The following GSK3B variants were observed in gnomAD, a reference collection of about 807,000 sequenced individuals.
GSK3B encodes the protein glycogen synthase kinase 3 beta.
A neutral mutation model predicts 56.4 loss-of-function variants in GSK3B; 15 were observed. The observed-to-expected ratio is 0.27, with a 90% CI of 0.18 to 0.41. The LOEUF (loss-of-function observed/expected upper bound fraction) is 0.41, where lower values mean the gene tolerates loss of function less well. Among genes scored for constraint, GSK3B ranks in the 10% least tolerant of loss-of-function variants. GSK3B has a pLI of 1.00. For missense variants in GSK3B, 300 were observed against 513.4 expected (o/e 0.58, Z 4.02); for synonymous variants, 181 against 188.9 (o/e 0.96, Z 0.34).
chr3:120,082,385 C>CTATTTTTTTT (rs2058427387), intron 1 of GSK3B, among the ~76,000 whole-genome samples: 1 of 66,400 alleles, frequency 1.5e-5, no homozygotes, highest in Non-Finnish European at 3.0e-5. Flanking sequence ...TTAGTATGTT[C>CTATTTTTTTT]TTTTTTTTTT....
chr3:119,858,562 C>T (rs1028193559), intron 9 of GSK3B, among the ~76,000 whole-genome samples: 1 of 152,154 alleles, frequency 6.6e-6, no homozygotes, highest in Non-Finnish European at 1.5e-5. Context: ...TTAGGCTTTG[C>T]CTTAAGAAAA....
chr3:119,998,901 T>A (rs775947337), intron 2 of GSK3B, among the ~76,000 whole-genome samples: 8 of 152,222 alleles, frequency 5.3e-5, no homozygotes, highest in South Asian at 2.1e-4. Flanking sequence ...GAAATGGGCA[T>A]TACTCATATT....
At chr3:119,906,792 C>A (rs1043947350) in intron 6 of GSK3B, among the ~76,000 whole-genome samples, 3 of 151,980 alleles carry the variant, frequency 2.0e-5, no homozygotes, top group African/African-American at 7.2e-5. Context: ...TACCACCTAC[C>A]AGTACGGAAG....
chr3:120,087,449 T>C (rs2058473560), intron 1 of GSK3B, among the ~76,000 whole-genome samples: 1 of 152,048 alleles, frequency 6.6e-6, no homozygotes, highest in African/African-American at 2.4e-5. Context: ...GGAAAATCGC[T>C]TGAACCTGGG....
chr3:119,920,887 A>G (rs1007381794), intron 4 of GSK3B, among the ~76,000 whole-genome samples: 6 of 152,216 alleles, frequency 3.9e-5, no homozygotes, highest in Admixed American at 3.3e-4. Context: ...AATTACCCAC[A>G]TATTTCCTAG....
chr3:120,079,948 C>T (rs1269642959), intron 1 of GSK3B, among the ~76,000 whole-genome samples: 1 of 152,112 alleles, frequency 6.6e-6, no homozygotes. Flanking sequence ...ATGTGGAAAG[C>T]AATTTATTTT....
In GSK3B at chr3:119,967,820, TTCTC is replaced by T. The variant is rs1264879591; in HGVS notation, c.283-20473_283-20470del. On this transcript the variant is annotated intron_variant, in intron 2 of 10. Coordinates refer to ENST00000264235, the MANE Select transcript of GSK3B (RefSeq NM_001146156.2). The stretch of plus-strand genomic sequence containing the variant: ...TCTCTCCCTCTCTCCCTCCCTCCCT[TTCTC>T]TCTTTCTCTTTCTCTCTCTCTCTCT... Among the ~76,000 whole-genome samples the T allele has an allele frequency of 1.1e-4, 10 of 89,756 alleles. No homozygotes were observed. The East Asian group carries it at 1.5e-3, about 13-fold the overall frequency. The allele number at this position is 89,756 out of a possible 152,430, so 58.9% of individuals were successfully genotyped here.
chr3:119,999,954 T>C (rs928413451), intron 2 of GSK3B, among the ~76,000 whole-genome samples: 6 of 152,212 alleles, frequency 3.9e-5, no homozygotes, highest in Non-Finnish European at 7.3e-5. Flanking sequence ...AGAAGATTTA[T>C]GGGCAAGAGA....
chr3:120,093,668 T>G lies in GSK3B; in HGVS notation c.-234A>C. 1 of 406,432 alleles carries G rather than the reference T, an allele frequency of 2.5e-6. No homozygotes were observed. The allele number at this position is 406,432 out of a possible 1,614,324, so 25.2% of individuals were successfully genotyped here. On this transcript the variant is annotated 5_prime_UTR_variant, in exon 1 of 11. Transcript: ENST00000264235. ...ACGGATATTTAACATATAGATGATT[T>G]AGGACTTGGGAAAAAATACAATTCT...
At chr3:120,028,724 G>T (rs2057950464) in intron 1 of GSK3B, 2 of 467,860 alleles carry the variant, frequency 4.3e-6, no homozygotes, top group South Asian at 1.6e-5. Context: ...GCCATGGTGG[G>T]GCAGAGGTTG....
chr3:119,969,339 A>AATAAATGG (rs1339803309), intron 2 of GSK3B, among the ~76,000 whole-genome samples: 1 of 152,130 alleles, frequency 6.6e-6, no homozygotes, highest in Non-Finnish European at 1.5e-5. Flanking sequence ...ACTGTTACCA[A>AATAAATGG]AAAAGTCAAG....
At chr3:119,887,603 T>G (rs1444401507) in intron 7 of GSK3B, among the ~76,000 whole-genome samples, 1 of 151,932 alleles carries the variant, frequency 6.6e-6, no homozygotes, top group East Asian at 1.9e-4. Flanking sequence ...AGCTGAAGCA[T>G]GGAGGGAAAA....
intron 9 of GSK3B, among the ~76,000 whole-genome samples, chr3:119,855,834 TG>T (rs1211831313): frequency 5.3e-5 from 6 of 113,444 alleles, no homozygotes; most frequent in Non-Finnish European, 9.1e-5. Flanking sequence ...TGTCGTGCGG[TG>T]GGGGGAGGGG....
At chr3:120,045,406 A>C (rs1170160664) in intron 1 of GSK3B, among the ~76,000 whole-genome samples, 1 of 151,742 alleles carries the variant, frequency 6.6e-6, no homozygotes, top group Non-Finnish European at 1.5e-5. Context: ...TTGGTTACCC[A>C]CTCTGCACCC....
chr3:119,911,297 C>T (rs1409838050), intron 6 of GSK3B, among the ~76,000 whole-genome samples: 1 of 152,106 alleles, frequency 6.6e-6, no homozygotes, highest in Non-Finnish European at 1.5e-5. Context: ...CAGTGGGCTT[C>T]AAATATTCAG....
intron 1 of GSK3B, among the ~76,000 whole-genome samples, chr3:120,052,475 T>C (rs1192218470): frequency 2.0e-5 from 3 of 152,180 alleles, no homozygotes; most frequent in Admixed American, 6.5e-5. Flanking sequence ...TGTCCTAAAA[T>C]AGCTAGTCCA....
intron 1 of GSK3B, among the ~76,000 whole-genome samples, chr3:120,007,437 T>C (rs1413979336): frequency 6.6e-6 from 1 of 151,142 alleles, no homozygotes; most frequent in African/African-American, 2.4e-5. Flanking sequence ...TGATACCAAA[T>C]GATATCTGGC....
chr3:119,826,805 C>A lies in GSK3B; in HGVS notation c.1246G>T (p.Ala416Ser), dbSNP rs201770515. The stretch of plus-strand genomic sequence containing the variant: ...GGGACTGTTCAGGTGGAGTTGGAAG[C>A]TGATGCAGAAGCAGCATTATTGGTC... ...GQTNNAASAS[A>S]SNST The change falls in exon 11 of 11, where the codon GCT becomes TCT. Residue 416 changes from alanine to serine, a missense_variant. Physicochemically the swap from Ala to Ser is moderately conservative, Grantham distance 99. This residue lies in a region of GSK3B where 88 missense variants were observed against 92.7 expected (regional missense o/e 0.95). Transcript: ENST00000264235. 6.2e-7 allele frequency: 1 copy of A among 1,612,386 alleles called. No individual in the cohort carries two copies. The highest frequency in any genetic ancestry group is 2.2e-5 in the East Asian group (1 of 44,872).
intron 6 of GSK3B, 23 bp from the exon 7 acceptor site, chr3:119,905,875 C>G (rs1451446670): frequency 7.0e-6 from 9 of 1,292,174 alleles, no homozygotes; most frequent in South Asian, 1.2e-5. Context: ...GAAAACGAAG[C>G]CTTATTAATA....
Sources: gnomAD v4.1 joint callset for allele counts (sites outside exome capture counted in the v4.1 genomes callset) on GRCh38, gnomAD v4.1.1 for gene constraint, gnomAD v4.1.1 regional missense constraint, MANE v1.5 for transcripts, NCBI Gene and HGNC (gene_info 2026-07-23, HGNC 2026-07-21) for gene names.